SYNPO2: variants seen among roughly 807,000 people sequenced by gnomAD.
SYNPO2 encodes synaptopodin 2.
SYNPO2 carries 56 observed loss-of-function variants against 85.0 expected under a neutral mutation model. The observed-to-expected ratio is 0.66, with a 90% CI of 0.53 to 0.82. The LOEUF (loss-of-function observed/expected upper bound fraction) is 0.82. Among genes scored for constraint, SYNPO2 ranks in the 40% least tolerant of loss-of-function variants. SYNPO2 has a pLI of 0.00. For missense variants in SYNPO2, 1,575 were observed against 1,534.2 expected (o/e 1.03, Z -0.44); for synonymous variants, 602 against 591.1 (o/e 1.02, Z -0.27).
chr4:119,010,775 G>A (rs554703359), intron 1 of SYNPO2, among the ~76,000 whole-genome samples: 1 of 152,284 alleles, frequency 6.6e-6, no homozygotes, highest in African/African-American at 2.4e-5. Context: ...CCATAACACT[G>A]TTTGTCACAT....
intron 1 of SYNPO2, among the ~76,000 whole-genome samples, chr4:118,899,783 C>T (rs762613204): frequency 4.6e-5 from 7 of 152,102 alleles, no homozygotes; most frequent in Non-Finnish European, 8.8e-5. Flanking sequence ...GTTTTTGAGA[C>T]GCAGCCTCGC....
rs563748013 is a variant in SYNPO2 at position 118,932,474 on chromosome 4, T to G, written c.105+43333T>G. On this transcript the variant is annotated intron_variant, in intron 1 of 4. Transcript: ENST00000307142. ...AAAGTAAGCATCTTGAAATAATTTATCTTCTGCTGGTTATAAACTTAAATT... is the reference window on the plus strand; with the variant it reads ...AAAGTAAGCATCTTGAAATAATTTAGCTTCTGCTGGTTATAAACTTAAATT... Among the ~76,000 whole-genome samples, 4 of 152,320 alleles carry G rather than the reference T, an allele frequency of 2.6e-5. No individual in the cohort carries two copies. The South Asian group carries it at 8.3e-4, about 32-fold the overall frequency.
chr4:118,921,461 T>C (rs1434577888), intron 1 of SYNPO2, among the ~76,000 whole-genome samples: 3 of 152,078 alleles, frequency 2.0e-5, no homozygotes, highest in Non-Finnish European at 4.4e-5. Flanking sequence ...TTAAAATCAT[T>C]TGGAAGCTAC....
chr4:118,936,134 G>A (rs1166168294), intron 1 of SYNPO2, among the ~76,000 whole-genome samples: 2 of 152,194 alleles, frequency 1.3e-5, no homozygotes, highest in Non-Finnish European at 2.9e-5. Context: ...ATTCAGTACA[G>A]TAACATGCTG....
chr4:119,042,516 T>A (rs1738748018), intron 4 of SYNPO2: 1 of 152,202 alleles, frequency 6.6e-6, no homozygotes, highest in Non-Finnish European at 1.5e-5. Context: ...ATCTAAACAT[T>A]CTTATTTTGG....
At chr4:119,040,370 G>T (rs1163944950) in intron 4 of SYNPO2, among the ~76,000 whole-genome samples, 1 of 152,276 alleles carries the variant, frequency 6.6e-6, no homozygotes, top group East Asian at 1.9e-4. Context: ...GTCGTTGAGA[G>T]ATCTTTGTTT....
At chr4:118,939,798 C>T (rs929118525) in intron 1 of SYNPO2, among the ~76,000 whole-genome samples, 4 of 152,032 alleles carry the variant, frequency 2.6e-5, no homozygotes, top group African/African-American at 9.7e-5. Context: ...ACATATGCTG[C>T]CTGACTTCCC....
chr4:118,962,724 T>C (rs533276239), intron 1 of SYNPO2, among the ~76,000 whole-genome samples: 9 of 152,174 alleles, frequency 5.9e-5, no homozygotes, highest in Non-Finnish European at 8.8e-5. Context: ...AAAGCTTCCA[T>C]CTGCCCCAAT....
chr4:118,896,280 T>G (rs6857513), intron 1 of SYNPO2, among the ~76,000 whole-genome samples: 99,653 of 151,920 alleles, frequency 0.66, 33,340 homozygotes, highest in African/African-American at 0.78. Context: ...CTAAGGAAAA[T>G]GATTACAGGA....
At chr4:119,054,479 C>T (rs1480609066) in intron 4 of SYNPO2, among the ~76,000 whole-genome samples, 1 of 152,158 alleles carries the variant, frequency 6.6e-6, no homozygotes, top group Non-Finnish European at 1.5e-5. Flanking sequence ...GAAAATGGCT[C>T]TCAGTGGAGA....
chr4:118,895,027 G>A (rs983326250), intron 1 of SYNPO2, among the ~76,000 whole-genome samples: 1 of 152,150 alleles, frequency 6.6e-6, no homozygotes, highest in African/African-American at 2.4e-5. Flanking sequence ...CCTGTGTGAT[G>A]TAAATGATTT....
At chr4:118,978,792 G>GAC (rs5861400) in intron 1 of SYNPO2, among the ~76,000 whole-genome samples, 7,661 of 148,330 alleles carry the variant, frequency 0.052, 220 homozygotes, top group Non-Finnish European at 0.062. Context: ...CTCCTGCCAT[G>GAC]ACACACACAC....
intron 4 of SYNPO2, chr4:119,035,723 G>C: frequency 2.0e-6 from 2 of 984,264 alleles, no homozygotes; most frequent in Non-Finnish European, 2.4e-6. Flanking sequence ...TCTAGAAAGT[G>C]CCGACTTCTT....
chr4:119,019,854 G>A lies in SYNPO2; in HGVS notation c.106-3576G>A, dbSNP rs188570971. ...TGCTACATGTATTTTATGAATCCAA[G>A]ACTAGTGGCTTAAGGAGACTGGTTG... On this transcript the variant is annotated intron_variant, in intron 1 of 4. Transcript: ENST00000307142. Among the ~76,000 whole-genome samples, 22 of 152,230 alleles carry A rather than the reference G, an allele frequency of 1.4e-4. No homozygotes were observed. In the East Asian group the frequency reaches 4.1e-3, roughly 28 times the overall value.
In SYNPO2 at chr4:119,046,501, C is replaced by T. The variant is rs536542059; in HGVS notation, c.3253-10900C>T. Among the ~76,000 whole-genome samples the T allele has an allele frequency of 1.2e-4, 19 of 152,344 alleles. No homozygotes were observed. In the East Asian group the frequency reaches 1.9e-3, roughly 15 times the overall value. On this transcript the variant is annotated intron_variant, in intron 4 of 4. Coordinates refer to ENST00000307142, the MANE Select transcript of SYNPO2 (RefSeq NM_133477.3). Reference sequence around the variant, plus strand: ...TGCCACTTCAAAGGCAAGTCTCCCTCCTATTTTTGTCCTGGGTCAGCAGCC... The same window carrying T: ...TGCCACTTCAAAGGCAAGTCTCCCTTCTATTTTTGTCCTGGGTCAGCAGCC...
At chr4:119,002,537 G>C (rs1736861082) in intron 1 of SYNPO2, among the ~76,000 whole-genome samples, 1 of 152,168 alleles carries the variant, frequency 6.6e-6, no homozygotes, top group Non-Finnish European at 1.5e-5. Context: ...GTGAGCCACT[G>C]TGCTGGGCCA....
At position 118,933,829 on chromosome 4, in the gene SYNPO2, G is replaced by GTTTTTTTTTTTTTTTTTTTTTTTTTTT. The variant is rs71595334; in HGVS notation, c.105+44705_105+44706insTTTTTTTTTTTTTTTTTTTTTTTTTTT. Among the ~76,000 whole-genome samples, 6 of 102,318 alleles carry GTTTTTTTTTTTTTTTTTTTTTTTTTTT rather than the reference G, an allele frequency of 5.9e-5. 2 individuals are homozygous for GTTTTTTTTTTTTTTTTTTTTTTTTTTT. The highest frequency in any genetic ancestry group is 1.2e-4 in the Admixed American group (1 of 8,278). The allele number at this position is 102,318 out of a possible 152,430, so 67.1% of individuals were successfully genotyped here. On this transcript the variant is annotated intron_variant, in intron 1 of 4. Transcript: ENST00000307142. ...ATAGCTGCTTTTTGCTGTTGTTGTT[G>GTTTTTTTTTTTTTTTTTTTTTTTTTTT]TTTTTTTTTTTTTTTTTGGACAGTA...
chr4:119,051,807 G>C (rs961812455), intron 4 of SYNPO2, among the ~76,000 whole-genome samples: 1 of 152,170 alleles, frequency 6.6e-6, no homozygotes, highest in Non-Finnish European at 1.5e-5. Context: ...GCTGCCCACT[G>C]AAGTGAGATT....
chr4:119,028,862 A>G (rs371618904), intron 3 of SYNPO2, among the ~76,000 whole-genome samples: 43 of 152,094 alleles, frequency 2.8e-4, no homozygotes, highest in East Asian at 2.1e-3. Flanking sequence ...TGATATAACT[A>G]TAAATTATAA....
Sources: gnomAD v4.1 joint callset for allele counts (sites outside exome capture counted in the v4.1 genomes callset) on GRCh38, gnomAD v4.1.1 for gene constraint, MANE v1.5 for transcripts, NCBI Gene and HGNC (gene_info 2026-07-23, HGNC 2026-07-21) for gene names.